The following PKIA variants were observed in gnomAD, a reference collection of about 807,000 sequenced individuals.
PKIA encodes PKI-alpha.
A neutral mutation model predicts 7.6 loss-of-function variants in PKIA; 4 were observed. The ratio of observed to expected loss-of-function variants is 0.52; its 90% CI spans 0.26 to 1.20. The LOEUF is 1.20. PKIA is among the 50% of genes most tolerant of loss of function. The pLI is 0.13. For missense variants in PKIA, 73 were observed against 86.2 expected (o/e 0.85, Z 0.61); for synonymous variants, 21 against 30.7 (o/e 0.68, Z 1.04).
chr8:78,552,260 G>T (rs376218253), intron 1 of PKIA, among the ~76,000 whole-genome samples: 16 of 146,490 alleles, frequency 1.1e-4, no homozygotes, highest in Admixed American at 4.1e-4. Context: ...CTGAATAAAA[G>T]AAATATCTAT....
chr8:78,593,148 A>T (rs774050132), intron 2 of PKIA, among the ~76,000 whole-genome samples: 9 of 152,134 alleles, frequency 5.9e-5, no homozygotes, highest in Non-Finnish European at 1.2e-4. Flanking sequence ...TTTGACACGG[A>T]GTCTTGCTCT....
intron 2 of PKIA, among the ~76,000 whole-genome samples, chr8:78,579,324 C>T (rs1807752608): frequency 6.6e-6 from 1 of 152,024 alleles, no homozygotes; most frequent in African/African-American, 2.4e-5. Flanking sequence ...CTGTCCAAAA[C>T]CCTGGCTCCC....
chr8:78,575,425 T>A (rs1807649672), intron 2 of PKIA, among the ~76,000 whole-genome samples: 1 of 152,004 alleles, frequency 6.6e-6, no homozygotes, highest in South Asian at 2.1e-4. Context: ...TCAACATTAT[T>A]ATGTTTCTAA....
chr8:78,573,754 A>T (rs1807611016), intron 2 of PKIA, among the ~76,000 whole-genome samples: 1 of 151,980 alleles, frequency 6.6e-6, no homozygotes. Flanking sequence ...TTGTCCTTGG[A>T]TTGCTTTGTG....
intron 1 of PKIA, among the ~76,000 whole-genome samples, chr8:78,551,183 G>T (rs189560493): frequency 1.8e-4 from 28 of 152,130 alleles, no homozygotes; most frequent in Admixed American, 4.6e-4. Flanking sequence ...TACAAAAGAA[G>T]AGTCTTTAGT....
At chr8:78,575,123 T>C (rs1807642851) in intron 2 of PKIA, among the ~76,000 whole-genome samples, 1 of 152,026 alleles carries the variant, frequency 6.6e-6, no homozygotes, top group African/African-American at 2.4e-5. Context: ...TATTATATAG[T>C]ATCTGATACA....
At chr8:78,581,511 C>A (rs1334225460) in intron 2 of PKIA, among the ~76,000 whole-genome samples, 2 of 151,986 alleles carry the variant, frequency 1.3e-5, no homozygotes, top group Non-Finnish European at 2.9e-5. Flanking sequence ...AATAAGGGTA[C>A]AAATTAAAAG....
intron 2 of PKIA, among the ~76,000 whole-genome samples, chr8:78,590,518 A>G (rs1397410529): frequency 6.6e-6 from 1 of 152,138 alleles, no homozygotes; most frequent in Non-Finnish European, 1.5e-5. Flanking sequence ...TACTTCAACT[A>G]AAACAACATG....
chr8:78,580,742 G>A (rs1030456884), intron 2 of PKIA, among the ~76,000 whole-genome samples: 9 of 151,992 alleles, frequency 5.9e-5, no homozygotes, highest in Admixed American at 3.3e-4. Flanking sequence ...TAATAAGTGC[G>A]AATATTAAAG....
intron 1 of PKIA, among the ~76,000 whole-genome samples, chr8:78,530,349 G>GCCTAACATATCCTTA (rs1192869216): frequency 2.6e-5 from 4 of 151,934 alleles, no homozygotes; most frequent in Non-Finnish European, 5.9e-5. Context: ...TATCCTATAG[G>GCCTAACATATCCTTA]AACTGGTATG....
At chr8:78,551,144 T>C (rs1448030023) in intron 1 of PKIA, among the ~76,000 whole-genome samples, 1 of 151,944 alleles carries the variant, frequency 6.6e-6, no homozygotes, top group Non-Finnish European at 1.5e-5. Flanking sequence ...AGATAAGAAA[T>C]AAGGATATGG....
chr8:78,551,698 G>A (rs1244715710), intron 1 of PKIA, among the ~76,000 whole-genome samples: 2 of 151,950 alleles, frequency 1.3e-5, no homozygotes, highest in Non-Finnish European at 2.9e-5. Flanking sequence ...CATCTGAAGG[G>A]AGTGTCAACA....
intron 2 of PKIA, among the ~76,000 whole-genome samples, chr8:78,589,997 AT>A (rs1808055980): frequency 6.6e-6 from 1 of 152,188 alleles, no homozygotes; most frequent in South Asian, 2.1e-4. Context: ...TTTGGCAGAA[AT>A]TTTCTTGAAA....
intron 2 of PKIA, among the ~76,000 whole-genome samples, chr8:78,585,387 G>C (rs766871467): frequency 1.3e-5 from 2 of 152,022 alleles, no homozygotes; most frequent in African/African-American, 2.4e-5. Context: ...TTTAAAACAA[G>C]TGTATGGAAA....
chr8:78,522,223 T>A (rs554307702), intron 1 of PKIA, among the ~76,000 whole-genome samples: 1 of 152,080 alleles, frequency 6.6e-6, no homozygotes, highest in South Asian at 2.1e-4. Context: ...ATATACACTA[T>A]GAAGGTGCCA....
In PKIA at chr8:78,604,303, T is replaced by C. The variant is rs1808423507; in HGVS notation, c.*2482T>C. 1 of 151,962 alleles carries C rather than the reference T, an allele frequency of 6.6e-6. No homozygotes were observed. Among genetic ancestry groups the C allele is most frequent in the African/African-American group, 2.4e-5 (1 of 41,400 alleles). 9.4% of individuals were successfully genotyped at this position (151,962 alleles called of 1,614,324 possible). On this transcript the variant is annotated 3_prime_UTR_variant, in exon 4 of 4. Transcript: ENST00000396418. ...TGGTATTTTTATCCAATTTCACAGA[T>C]TAAAATATAAGCACTCAATAAAATA... is the stretch of plus-strand genomic sequence containing the variant.
At chr8:78,571,522 T>G (rs906651325) in intron 1 of PKIA, among the ~76,000 whole-genome samples, 3 of 152,090 alleles carry the variant, frequency 2.0e-5, no homozygotes, top group Non-Finnish European at 4.4e-5. Context: ...GGATTTGGGA[T>G]ATAAATACTT....
intron 1 of PKIA, among the ~76,000 whole-genome samples, chr8:78,555,734 A>T (rs1807116734): frequency 6.6e-6 from 1 of 151,984 alleles, no homozygotes; most frequent in Non-Finnish European, 1.5e-5. Flanking sequence ...AGTGAGTGTC[A>T]ATGTGTGTGT....
chr8:78,548,555 C>G (rs1806893103), intron 1 of PKIA, among the ~76,000 whole-genome samples: 1 of 152,042 alleles, frequency 6.6e-6, no homozygotes, highest in Admixed American at 6.6e-5. Context: ...ATCCACCTCA[C>G]GTAGATCTAA....
Sources: allele counts gnomAD v4.1 joint callset (sites outside exome capture counted in the v4.1 genomes callset), GRCh38; gene constraint gnomAD v4.1.1; transcripts MANE v1.5; gene names NCBI Gene and HGNC (gene_info 2026-07-23, HGNC 2026-07-21).